EGR4: variants seen among roughly 807,000 people sequenced by gnomAD.
The protein encoded by EGR4 is early growth response protein 4.
EGR4 carries 22 observed loss-of-function variants against 25.4 expected under a neutral mutation model. The ratio of observed to expected loss-of-function variants is 0.87; its 90% CI spans 0.62 to 1.24. The LOEUF (loss-of-function observed/expected upper bound fraction) is 1.24. Ranked by LOEUF, EGR4 falls within the 50% of genes most tolerant of loss-of-function variation. The probability of loss-of-function intolerance (pLI) is 0.00; values close to 1 mark genes in which losing one functional copy is unlikely to be tolerated. For missense variants in EGR4, 742 were observed against 702.9 expected (o/e 1.06, Z -0.63); for synonymous variants, 375 against 320.1 (o/e 1.17, Z -1.83).
intron 1 of EGR4, among the ~76,000 whole-genome samples, 198 bp from the exon 2 acceptor site, chr2:73,292,979 G>A (rs766687108): frequency 1.3e-5 from 2 of 152,254 alleles, no homozygotes. Context: ...AGGCAAAAGG[G>A]CGCTCCGATA....
At position 73,292,688 on chromosome 2, in the gene EGR4, G is replaced by T. The variant is rs777552840; in HGVS notation, c.230C>A (p.Pro77His). The T allele has an allele frequency of 3.3e-6, 5 of 1,527,326 alleles. No homozygotes were observed. The African/African-American group carries it at 5.6e-5, about 17-fold the overall frequency. 94.6% of individuals were successfully genotyped at this position (1,527,326 alleles called of 1,614,324 possible). Reference protein sequence around the residue: ...CFLEGPAPTPPPGLSYSGSFF... With the variant: ...CFLEGPAPTPHPGLSYSGSFF... The stretch of plus-strand genomic sequence containing the variant: ...GCTACCGCTGTAGCTGAGGCCGGGA[G>T]GGGGTGTGGGCGCAGGCCCCTCCAG... The change falls in exon 2 of 2, where the codon CCT (proline) becomes CAT (histidine). Residue 77 changes from proline (P) to histidine (H), a missense_variant. Coordinates refer to ENST00000436467, the MANE Select transcript of EGR4 (RefSeq NM_001965.4).
In EGR4 at chr2:73,291,483, G is replaced by C. The variant is rs1183487687; in HGVS notation, c.1435C>G (p.Leu479Val). 4 of 1,608,486 alleles carry C rather than the reference G, an allele frequency of 2.5e-6. No homozygotes were observed. The highest frequency in any genetic ancestry group is 2.7e-5 in the African/African-American group (2 of 74,722). ...CAGAGAGAAGCGAAGGAGAGGCCCA[G>C]CGAGTAAAAGCCGAGGCCCTTGAGC... ...ERLKGLGFYSLGLSFASL is the reference protein window; with the variant it reads ...ERLKGLGFYSVGLSFASL Residue 479 changes from leucine (L) to valine (V), a missense_variant, in exon 2 of 2, where the codon CTG (leucine) becomes GTG (valine). Physicochemically the swap from Leu to Val is conservative, Grantham distance 32. Transcript: ENST00000436467.
In EGR4 at chr2:73,291,646, G is replaced by A. The variant is rs368787037; in HGVS notation, c.1272C>T (p.His424=). The part of the protein sequence containing the change: ...ICLRNFSRSD[H]LTTHVRTHTG... ...TGTGGGTGCGCACGTGCGTGGTGAG[G>A]TGGTCGCTGCGGCTGAAGTTGCGGA... The change falls in exon 2 of 2, where the codon CAC becomes CAT. Residue 424 remains histidine, a synonymous_variant. Transcript: ENST00000436467. 7.2e-5 allele frequency: 116 copies of A among 1,612,448 alleles called. 2 individuals are homozygous for A. In the Middle Eastern group the frequency reaches 8.3e-4, roughly 11 times the overall value.
rs768061069 is a variant in EGR4 at position 73,292,338 on chromosome 2, C to T, written c.580G>A (p.Ala194Thr). The T allele has an allele frequency of 8.2e-6, 13 of 1,581,520 alleles. No homozygotes were observed. Among genetic ancestry groups the T allele is most frequent in the Non-Finnish European group, 1.1e-5 (13 of 1,163,594 alleles). The change falls in exon 2 of 2, where the codon GCG becomes ACG. Residue 194 changes from alanine (A) to threonine (T), a missense_variant. Ala to Thr is a moderately conservative substitution (Grantham distance 58). Coordinates refer to ENST00000436467, the MANE Select transcript of EGR4 (RefSeq NM_001965.4). Reference sequence around the variant, plus strand: ...TTGAAGGCAGAGACAGCGTCCAGCGCTGGCGAGGCGGGAGGCGCCCGGAGG... The same window carrying T: ...TTGAAGGCAGAGACAGCGTCCAGCGTTGGCGAGGCGGGAGGCGCCCGGAGG... ...PGLRAPPASP[A>T]LDAVSAFKGP...
intron 1 of EGR4, among the ~76,000 whole-genome samples, 165 bp downstream of exon 1, chr2:73,293,017 G>T (rs1249813769): frequency 1.3e-5 from 2 of 152,260 alleles, no homozygotes; most frequent in Non-Finnish European, 2.9e-5. Context: ...GGAGGCGCTG[G>T]CGGCCCAGTG....
chr2:73,291,880 C>T lies in EGR4; in HGVS notation c.1038G>A (p.Pro346=), dbSNP rs779127293. The T allele has an allele frequency of 3.2e-6, 5 of 1,572,558 alleles. No individual in the cohort carries two copies. Among genetic ancestry groups the T allele is most frequent in the Non-Finnish European group, 3.4e-6 (4 of 1,163,136 alleles). Residue 346 remains proline, a synonymous_variant, in exon 2 of 2, where the codon CCG becomes CCA. Coordinates refer to ENST00000436467, the MANE Select transcript of EGR4 (RefSeq NM_001965.4). ...SGVAAPPVPP[P]PPTPFPQAKA... is the part of the protein sequence containing the mutation. ...TGGCCTGGGGGAAAGGGGTGGGCGG[C>T]GGCGGCGGCACGGGTGGTGCAGCCA... is the stretch of plus-strand genomic sequence containing the variant.
Position 73,293,389 on chromosome 2 carries a change from C to G in EGR4, c.-72G>C. 2 of 1,499,406 alleles carry G rather than the reference C, an allele frequency of 1.3e-6. No individual in the cohort carries two copies. Among genetic ancestry groups the G allele is most frequent in the Non-Finnish European group, 1.8e-6 (2 of 1,127,134 alleles). The allele number at this position is 1,499,406 out of a possible 1,614,324, so 92.9% of individuals were successfully genotyped here. On this transcript the variant is annotated 5_prime_UTR_variant, in exon 1 of 2. Transcript: ENST00000436467. ...TGGGGGCGCGCGGGTGGCGGGGAGG[C>G]TGGCGGTAGGGGTTCCCCGCAGCGC...
Position 73,292,487 on chromosome 2 carries a change from A to G in EGR4, c.431T>C (p.Leu144Pro). Residue 144 changes from leucine to proline, a missense_variant, in exon 2 of 2, where the codon CTT becomes CCT. By Grantham distance (98) the Leu-to-Pro change is moderately conservative. Transcript: ENST00000436467. ...GGCAGCGCCCAGATCCGGGGAGTAAAGGTCCGGCGGACCCGGCAGCAAGGC... is the reference window on the plus strand; with the variant it reads ...GGCAGCGCCCAGATCCGGGGAGTAAGGGTCCGGCGGACCCGGCAGCAAGGC... Reference protein sequence around the residue: ...SDALLPGPPDLYSPDLGAAPF... With the variant: ...SDALLPGPPDPYSPDLGAAPF... 2 of 1,516,864 alleles carry G rather than the reference A, an allele frequency of 1.3e-6. No homozygotes were observed. The highest frequency in any genetic ancestry group is 2.3e-5 in the Admixed American group (1 of 42,954). 94.0% of individuals were successfully genotyped at this position (1,516,864 alleles called of 1,614,324 possible). A position where few individuals can be genotyped will look rare whatever the true frequency, so the allele number is the denominator to read the frequency against.
At position 73,293,327 on chromosome 2, in the gene EGR4, C is replaced by A; in HGVS notation, c.-10G>T. The A allele has an allele frequency of 6.4e-7, 1 of 1,571,980 alleles. No individual in the cohort carries two copies. The highest frequency in any genetic ancestry group is 8.6e-7 in the Non-Finnish European group (1 of 1,162,010). On this transcript the variant is annotated 5_prime_UTR_variant, in exon 1 of 2. Transcript: ENST00000436467. Reference sequence around the variant, plus strand: ...CGCTAAGGTGGAGCATGGCGCGGCGCCGGCTGTGGGGCGCCCGGGGCCTCG... The same window carrying A: ...CGCTAAGGTGGAGCATGGCGCGGCGACGGCTGTGGGGCGCCCGGGGCCTCG...
Position 73,292,600 on chromosome 2 carries a change from C to T in EGR4, c.318G>A (p.Ser106=). ...GGAAGGGTGCCAGGCCTAAGATGCCCGACATGAGGTTGAAGAGTGCCTCCG... is the reference window on the plus strand; with the variant it reads ...GGAAGGGTGCCAGGCCTAAGATGCCTGACATGAGGTTGAAGAGTGCCTCCG... ...HDPEALFNLM[S]GILGLAPFPG... is the part of the protein sequence containing the mutation. Residue 106 remains serine, a synonymous_variant, in exon 2 of 2, where the codon TCG becomes TCA. Coordinates refer to ENST00000436467, the MANE Select transcript of EGR4 (RefSeq NM_001965.4). 2.0e-6 allele frequency: 3 copies of T among 1,519,182 alleles called. No individual in the cohort carries two copies. The highest frequency in any genetic ancestry group is 2.6e-6 in the Non-Finnish European group (3 of 1,133,260). The allele number at this position is 1,519,182 out of a possible 1,614,324, so 94.1% of individuals were successfully genotyped here.
chr2:73,293,509 G>A lies in EGR4; in HGVS notation c.-192C>T. 1.4e-6 allele frequency: 2 copies of A among 1,481,370 alleles called. No homozygotes were observed. The highest frequency in any genetic ancestry group is 1.8e-6 in the Non-Finnish European group (2 of 1,116,662). The allele number at this position is 1,481,370 out of a possible 1,614,324, so 91.8% of individuals were successfully genotyped here. ...GCCCTCGCTCGCCCGCACCGGCCTCGGGCGGCGGCTCCTCGCCTCTCCAAA... is the reference window on the plus strand; with the variant it reads ...GCCCTCGCTCGCCCGCACCGGCCTCAGGCGGCGGCTCCTCGCCTCTCCAAA... On this transcript the variant is annotated 5_prime_UTR_variant, in exon 1 of 2. Coordinates refer to ENST00000436467, the MANE Select transcript of EGR4 (RefSeq NM_001965.4).
rs1448133239 is a variant in EGR4, at chr2:73,292,258, C to T, written c.660G>A (p.Gly220=). 1.2e-6 allele frequency: 2 copies of T among 1,611,240 alleles called. No individual in the cohort carries two copies. ...GGGCGGCCTGGTAGTCTCCCTGTGA[C>T]CCACAGTTCCCTGGGGCCCCCACAG... is the stretch of plus-strand genomic sequence containing the variant. The part of the protein sequence containing the change: ...LLSVGAPGNC[G]SQGDYQAAPE... Residue 220 remains glycine, a synonymous_variant, in exon 2 of 2, where the codon GGG becomes GGA. Transcript: ENST00000436467.
At position 73,291,026 on chromosome 2, in the gene EGR4, G is replaced by GA. The variant is rs1371595298; in HGVS notation, c.*430dup. ...TTACAAAAATTAACAACAACAAAAG[G>GA]AAAAAAAACCCAAAGCAAAACGTTA... On this transcript the variant is annotated 3_prime_UTR_variant, in exon 2 of 2. Transcript: ENST00000436467. 5 of 176,414 alleles carry GA rather than the reference G, an allele frequency of 2.8e-5. No individual in the cohort carries two copies. The highest frequency in any genetic ancestry group is 3.5e-5 in the Non-Finnish European group (3 of 84,908). The allele number at this position is 176,414 out of a possible 1,614,324, so 10.9% of individuals were successfully genotyped here.
rs1425243858 is a variant in EGR4, at chr2:73,292,274, G to T, written c.644C>A (p.Ala215Asp). ...TCCCTGTGACCCACAGTTCCCTGGG[G>T]CCCCCACAGAAAGCAGCTCCCAGGG... ...YAPWELLSVG[A>D]PGNCGSQGDY... The change falls in exon 2 of 2, where the codon GCC (alanine) becomes GAC (aspartate). Residue 215 changes from alanine (A) to aspartate (D), a missense_variant. Transcript: ENST00000436467. 1 of 1,610,328 alleles carries T rather than the reference G, an allele frequency of 6.2e-7. No individual in the cohort carries two copies. Among genetic ancestry groups the T allele is most frequent in the South Asian group, 1.1e-5 (1 of 90,758 alleles).
rs1294924337 is a variant in EGR4 at position 73,292,160 on chromosome 2, G to T, written c.758C>A (p.Pro253Gln). The change falls in exon 2 of 2, where the codon CCG (proline) becomes CAG (glutamine). Residue 253 changes from proline to glutamine, a missense_variant. Physicochemically the swap from Pro to Gln is moderately conservative, Grantham distance 76. Transcript: ENST00000436467. ...ATAGAGTCTGTTGGCTGGGACGGCC[G>T]GCAGTTCCGCAGGGCAGCTGATGGA... Reference protein sequence around the residue: ...LLSISCPAELPAVPANRLYPS... With the variant: ...LLSISCPAELQAVPANRLYPS... The T allele has an allele frequency of 6.3e-7, 1 of 1,587,342 alleles. No individual in the cohort carries two copies. The highest frequency in any genetic ancestry group is 8.6e-7 in the Non-Finnish European group (1 of 1,166,764).
Position 73,293,358 on chromosome 2 carries a change from T to A in EGR4, c.-41A>T, listed in dbSNP as rs748108134. 22 of 1,530,812 alleles carry A rather than the reference T, an allele frequency of 1.4e-5. No individual in the cohort carries two copies. Among genetic ancestry groups the A allele is most frequent in the Non-Finnish European group, 1.9e-5 (22 of 1,139,324 alleles). 94.8% of individuals were successfully genotyped at this position (1,530,812 alleles called of 1,614,324 possible). ...GTGGGGCGCCCGGGGCCTCGCCCGC[T>A]GGGCTTGGGGGCGCGCGGGTGGCGG... On this transcript the variant is annotated 5_prime_UTR_variant, in exon 1 of 2. Transcript: ENST00000436467.
In EGR4 at chr2:73,291,861, G is replaced by A. The variant is rs779716402; in HGVS notation, c.1057C>T (p.Gln353Ter). The A allele has an allele frequency of 7.0e-6, 11 of 1,579,332 alleles. No individual in the cohort carries two copies. Among genetic ancestry groups the A allele is most frequent in the Non-Finnish European group, 8.6e-7 (1 of 1,167,832 alleles). ...VPPPPPTPFP[Q>*]AKARRKGRRG... Reference sequence around the variant, plus strand: ...CGCCCCTTGCGTCGCGCCTTGGCCTGGGGGAAAGGGGTGGGCGGCGGCGGC... The same window carrying A: ...CGCCCCTTGCGTCGCGCCTTGGCCTAGGGGAAAGGGGTGGGCGGCGGCGGC... Residue 353 changes from glutamine to a stop codon, truncating the protein, a stop_gained, in exon 2 of 2, where the codon CAG (glutamine) becomes TAG (stop). Coordinates refer to ENST00000436467, the MANE Select transcript of EGR4 (RefSeq NM_001965.4). LOFTEE classifies it high-confidence loss of function.
At position 73,293,212 on chromosome 2, in the gene EGR4, C is replaced by T. The variant is rs555396652; in HGVS notation, c.106G>A (p.Asp36Asn). The T allele has an allele frequency of 3.2e-6, 5 of 1,558,252 alleles. No homozygotes were observed. The South Asian group carries it at 4.8e-5, about 15-fold the overall frequency. ...GGGTAGCCGGTGGCCGCGGGAGCGTCCCTGGCAGGCAGCCGGGGCAATTCA... is the reference window on the plus strand; with the variant it reads ...GGGTAGCCGGTGGCCGCGGGAGCGTTCCTGGCAGGCAGCCGGGGCAATTCA... ...SAELPRLPAR[D>N]APAATGYPGA... The change falls in exon 1 of 2, where the codon GAC becomes AAC. Residue 36 changes from aspartate (D) to asparagine (N), a missense_variant. Transcript: ENST00000436467.
In EGR4 at chr2:73,293,540, G is replaced by T; in HGVS notation, c.-223C>A. On this transcript the variant is annotated 5_prime_UTR_variant, in exon 1 of 2. Coordinates refer to ENST00000436467, the MANE Select transcript of EGR4 (RefSeq NM_001965.4). ...CGGCTCCTCGCCTCTCCAAAGCGCT[G>T]CCGGGCTCCCCCAGCCCACAGCCCC... is the stretch of plus-strand genomic sequence containing the variant. 6.6e-7 allele frequency: 1 copy of T among 1,504,738 alleles called. No individual in the cohort carries two copies. Among genetic ancestry groups the T allele is most frequent in the Non-Finnish European group, 8.8e-7 (1 of 1,133,010 alleles). 93.2% of individuals were successfully genotyped at this position (1,504,738 alleles called of 1,614,324 possible). A position where few individuals can be genotyped will look rare whatever the true frequency, so the allele number is the denominator to read the frequency against.
Sources: gnomAD v4.1 joint callset for allele counts (sites outside exome capture counted in the v4.1 genomes callset) on GRCh38, gnomAD v4.1.1 for gene constraint, MANE v1.5 for transcripts, NCBI Gene and HGNC (gene_info 2026-07-23, HGNC 2026-07-21) for gene names.